PHF3: variants seen among roughly 807,000 people sequenced by gnomAD.
The protein encoded by PHF3 is PHD finger protein 3.
Under a neutral mutation model 178.4 loss-of-function variants are expected in PHF3, and 41 were observed. That is an observed-to-expected ratio of 0.23 (90% confidence interval 0.18 to 0.30). The LOEUF (loss-of-function observed/expected upper bound fraction) is 0.30. PHF3 is among the 10% of genes least tolerant of loss of function. The pLI, the probability that PHF3 is intolerant of heterozygous loss-of-function variation, is 1.00. For synonymous variants in PHF3, 842 were observed against 800.5 expected, an observed-to-expected ratio of 1.05 and a Z score of -0.88; for missense variants, 2,346 against 2,398.1, an observed-to-expected ratio of 0.98 and a Z score of 0.45.
chr6:63,638,383 A>C (rs1256139975), intron 1 of PHF3, among the ~76,000 whole-genome samples: 3 of 152,096 alleles, frequency 2.0e-5, no homozygotes, highest in African/African-American at 7.2e-5. Context: ...TCAGTTACTG[A>C]AATAGATGAT....
chr6:63,712,955 C>T lies in PHF3; in HGVS notation c.5367C>T (p.Pro1789=). 6.2e-7 allele frequency: 1 copy of T among 1,614,026 alleles called. No individual in the cohort carries two copies. The highest frequency in any genetic ancestry group is 8.5e-7 in the Non-Finnish European group (1 of 1,179,972). ...SITFTSRSTS[P]RTSTNFSPMR... ...CCTTTACTTCCAGAAGCACCAGCCC[C>T]AGAACAAGTACAAACTTTTCACCCA... The change falls in exon 16 of 16, where the codon CCC becomes CCT. Residue 1789 remains proline (P), a synonymous_variant. Transcript: ENST00000262043.
chr6:63,722,730 TCCTC>T lies in PHF3; in HGVS notation c.*9028_*9031del, dbSNP rs2149626977. Among the ~76,000 whole-genome samples the T allele has an allele frequency of 6.6e-6, 1 of 152,302 alleles. No homozygotes were observed. The highest frequency in any genetic ancestry group is 1.5e-5 in the Non-Finnish European group (1 of 68,030). On this transcript the variant is annotated 3_prime_UTR_variant, in exon 16 of 16. Transcript: ENST00000262043. ...TTCGGCATTATGCTACACTACTTCT[TCCTC>T]CCTCCAGAGTGCCTATTTCCACACC...
intron 2 of PHF3, among the ~76,000 whole-genome samples, chr6:63,670,498 G>A (rs1458582720): frequency 3.3e-5 from 5 of 152,138 alleles, no homozygotes; most frequent in African/African-American, 1.2e-4. Flanking sequence ...TCGTTAGCCA[G>A]GATGGTCTCG....
intron 3 of PHF3, among the ~76,000 whole-genome samples, chr6:63,682,995 TTTAG>T (rs1232522791): frequency 6.6e-6 from 1 of 152,086 alleles, no homozygotes; most frequent in African/African-American, 2.4e-5. Flanking sequence ...TTATTAAAAT[TTTAG>T]TTATTTAAAA....
chr6:63,721,876 T>G lies in PHF3; in HGVS notation c.*8168T>G, dbSNP rs1243370668. On this transcript the variant is annotated 3_prime_UTR_variant, in exon 16 of 16. Transcript: ENST00000262043. ...AAACTTTTGCTGTTTCTGGCCAAGT[T>G]GGATAAGTTTTAGTTATGGGGAAAA... 7.4e-7 allele frequency: 1 copy of G among 1,350,062 alleles called. No individual in the cohort carries two copies. Among genetic ancestry groups the G allele is most frequent in the Non-Finnish European group, 9.9e-7 (1 of 1,006,378 alleles). 83.6% of individuals were successfully genotyped at this position (1,350,062 alleles called of 1,614,324 possible).
chr6:63,688,963 T>C (rs1766875042), intron 4 of PHF3, among the ~76,000 whole-genome samples: 1 of 152,242 alleles, frequency 6.6e-6, no homozygotes, highest in African/African-American at 2.4e-5. Flanking sequence ...GAAGTTAGTT[T>C]CCTTGTGTGT....
In PHF3 at chr6:63,635,842, C is replaced by T. The variant is rs981875711; in HGVS notation, c.-334C>T. The T allele has an allele frequency of 1.0e-5, 4 of 396,088 alleles. No homozygotes were observed. Among genetic ancestry groups the T allele is most frequent in the Non-Finnish European group, 1.8e-5 (4 of 224,492 alleles). 24.5% of individuals were successfully genotyped at this position (396,088 alleles called of 1,614,324 possible). A position where few individuals can be genotyped will look rare whatever the true frequency, so the allele number is the denominator to read the frequency against. ...CACGGCCCCTCTCCAGCTCCCGCGC[C>T]GCCGCCGCACGCCGATGGCTGCGGG... On this transcript the variant is annotated 5_prime_UTR_variant, in exon 1 of 16. Transcript: ENST00000262043.
intron 6 of PHF3, among the ~76,000 whole-genome samples, chr6:63,695,841 G>A (rs1767207799): frequency 6.6e-6 from 1 of 152,074 alleles, no homozygotes; most frequent in South Asian, 2.1e-4. Flanking sequence ...TAGAGTCTGA[G>A]AAAAGAAAAA....
chr6:63,720,431 A>G lies in PHF3; in HGVS notation c.*6723A>G. 1.8e-6 allele frequency: 1 copy of G among 559,034 alleles called. No homozygotes were observed. The highest frequency in any genetic ancestry group is 3.0e-6 in the Non-Finnish European group (1 of 332,360). The allele number at this position is 559,034 out of a possible 1,614,324, so 34.6% of individuals were successfully genotyped here. On this transcript the variant is annotated 3_prime_UTR_variant, in exon 16 of 16. Transcript: ENST00000262043. ...AATTAGATGTAGGAAAAACAATCAG[A>G]ACCTTCAGTGACATTTTACAATCTT...
intron 1 of PHF3, among the ~76,000 whole-genome samples, chr6:63,644,493 TAAAG>T (rs1169986668): frequency 6.6e-6 from 1 of 152,170 alleles, no homozygotes; most frequent in African/African-American, 2.4e-5. Flanking sequence ...AGGGAATTCT[TAAAG>T]GAACTTGTCC....
chr6:63,709,142 T>A lies in PHF3; in HGVS notation c.3712-9T>A, dbSNP rs1254021386. ...TATATTGATCTCTTTTTTTTTTTTT[T>A]AACCATAGGACCTACCAGATAGTAT... On this transcript the variant is annotated splice_polypyrimidine_tract_variant and intron_variant, in intron 13 of 15. Transcript: ENST00000262043. 15 of 1,433,324 alleles carry A rather than the reference T, an allele frequency of 1.0e-5. No individual in the cohort carries two copies. The highest frequency in any genetic ancestry group is 2.6e-5 in the South Asian group (2 of 76,578). 88.8% of individuals were successfully genotyped at this position (1,433,324 alleles called of 1,614,324 possible). A position where few individuals can be genotyped will look rare whatever the true frequency, so the allele number is the denominator to read the frequency against.
intron 8 of PHF3, among the ~76,000 whole-genome samples, chr6:63,700,060 G>T (rs1279182271): frequency 6.6e-6 from 1 of 152,078 alleles, no homozygotes; most frequent in Non-Finnish European, 1.5e-5. Flanking sequence ...TATTGTTATG[G>T]TTATATTGTG....
intron 3 of PHF3, among the ~76,000 whole-genome samples, chr6:63,682,535 A>G (rs1405347062): frequency 6.6e-6 from 1 of 152,154 alleles, no homozygotes; most frequent in East Asian, 1.9e-4. Flanking sequence ...TGAGAAGTGA[A>G]TAAATTTAGA....
At position 63,685,810 on chromosome 6, in the gene PHF3, C is replaced by G; in HGVS notation, c.2088C>G (p.Thr696=). 6.2e-7 allele frequency: 1 copy of G among 1,613,734 alleles called. No homozygotes were observed. The highest frequency in any genetic ancestry group is 8.5e-7 in the Non-Finnish European group (1 of 1,179,974). ...PPLFIPDNIA[T]IRREGSDHSS... ...TGTTCATTCCAGATAACATAGCTAC[C>G]ATAAGAAGAGAAGGCTCTGATCATA... is the stretch of plus-strand genomic sequence containing the variant. Residue 696 remains threonine (T), a synonymous_variant, in exon 4 of 16, where the codon ACC becomes ACG. Coordinates refer to ENST00000262043, the MANE Select transcript of PHF3 (RefSeq NM_001370348.2).
At position 63,679,921 on chromosome 6, in the gene PHF3, C is replaced by T. The variant is rs769160520; in HGVS notation, c.245-79C>T. ...GTAGTGTTACATTAAGACTATCTCA[C>T]AGTATTTTCTGTACTGCCTTTAATT... On this transcript the variant is annotated intron_variant, in intron 2 of 15. Transcript: ENST00000262043. 5 of 1,119,730 alleles carry T rather than the reference C, an allele frequency of 4.5e-6. No individual in the cohort carries two copies. The African/African-American group carries it at 6.1e-5, about 14-fold the overall frequency. The allele number at this position is 1,119,730 out of a possible 1,614,324, so 69.4% of individuals were successfully genotyped here.
chr6:63,679,491 T>A (rs1438360822), intron 2 of PHF3, among the ~76,000 whole-genome samples: 1 of 151,418 alleles, frequency 6.6e-6, no homozygotes, highest in Non-Finnish European at 1.5e-5. Flanking sequence ...TTCTTCCTGT[T>A]TTTTTTTTCT....
chr6:63,706,680 T>C (rs1767707803), intron 12 of PHF3, 49 bp from the exon 13 acceptor site: 1 of 1,577,098 alleles, frequency 6.3e-7, no homozygotes, highest in Non-Finnish European at 8.7e-7. Context: ...AGGTAGGACA[T>C]TGATTTATTC....
intron 2 of PHF3, among the ~76,000 whole-genome samples, chr6:63,665,699 G>A (rs191157801): frequency 6.6e-6 from 1 of 152,058 alleles, no homozygotes; most frequent in African/African-American, 2.4e-5. Flanking sequence ...ATGTTGGCCA[G>A]GCTAGTTTCG....
chr6:63,694,550 C>T, intron 5 of PHF3, 31 bp from the exon 6 acceptor site: 1 of 1,367,878 alleles, frequency 7.3e-7, no homozygotes, highest in Non-Finnish European at 9.7e-7. Context: ...TAGTTATTTT[C>T]ATTCTAATGA....
Sources: allele counts gnomAD v4.1 joint callset (sites outside exome capture counted in the v4.1 genomes callset), GRCh38; gene constraint gnomAD v4.1.1; transcripts MANE v1.5; gene names NCBI Gene and HGNC (gene_info 2026-07-23, HGNC 2026-07-21).